The following BPIFB3 variants were observed in gnomAD, a reference collection of about 807,000 sequenced individuals.
The protein encoded by BPIFB3 is BPI fold containing family B member 3.
Under a neutral mutation model 53.1 loss-of-function variants are expected in BPIFB3, and 49 were observed. The ratio of observed to expected loss-of-function variants is 0.92; its 90% CI spans 0.73 to 1.17. The LOEUF (loss-of-function observed/expected upper bound fraction) is 1.17. Among genes scored for constraint, BPIFB3 ranks in the 50% most tolerant of loss-of-function variants. The probability of loss-of-function intolerance (pLI) is 0.00; values close to 1 mark genes in which losing one functional copy is unlikely to be tolerated. For synonymous variants in BPIFB3, 271 were observed against 269.6 expected, an observed-to-expected ratio of 1.01 and a Z score of -0.05; for missense variants, 628 against 592.5, an observed-to-expected ratio of 1.06 and a Z score of -0.62.
chr20:33,071,313 T>G lies in BPIFB3; in HGVS notation c.1260+18T>G, dbSNP rs1172079071. ...CCTTTGACGTAAGTTCCTGGGAGGG[T>G]GAGGGGCTTGGCAGTGATGAGAGTC... On this transcript the variant is annotated intron_variant, in intron 12 of 14. Transcript: ENST00000375494. 6.4e-7 allele frequency: 1 copy of G among 1,555,606 alleles called. No individual in the cohort carries two copies.
At chr20:33,055,440 T>C in exon 1 of BPIFB3, 3 of 1,613,716 alleles carry the variant, frequency 1.9e-6, no homozygotes, top group Non-Finnish European at 1.7e-6. Context: ...CCAGTCATGC[T>C]GGCCCTGTGG....
In BPIFB3 at chr20:33,064,557, C is replaced by A. The variant is rs1175883990; in HGVS notation, c.744+9C>A. ...TAGAACTGGACATCAACGTGAGTAA[C>A]CAGAGGGGCCTCTCCTCCTGCTGGG... On this transcript the variant is annotated intron_variant, in intron 7 of 14. Transcript: ENST00000375494. The A allele has an allele frequency of 6.2e-7, 1 of 1,613,524 alleles. No individual in the cohort carries two copies. The highest frequency in any genetic ancestry group is 8.5e-7 in the Non-Finnish European group (1 of 1,179,500).
At chr20:33,072,397 G>A (rs775919874) in intron 13 of BPIFB3, among the ~76,000 whole-genome samples, 11 of 152,150 alleles carry the variant, frequency 7.2e-5, no homozygotes, top group Non-Finnish European at 1.5e-4. Context: ...CCTCAGTCCT[G>A]CCTTAAGCTC....
exon 14 of BPIFB3, chr20:33,072,739 C>T (rs375331770): frequency 6.2e-7 from 1 of 1,613,544 alleles, no homozygotes; most frequent in Non-Finnish European, 8.5e-7. Context: ...TTGGAATTCC[C>T]CTGCCTAAGG....
chr20:33,070,763 G>A (rs1360492203), intron 11 of BPIFB3, among the ~76,000 whole-genome samples: 1 of 151,822 alleles, frequency 6.6e-6, no homozygotes, highest in East Asian at 1.9e-4. Context: ...TTTGATGGAG[G>A]GCCTCGCCTG....
intron 14 of BPIFB3, 133 bp from the exon 16 acceptor site, chr20:33,073,443 A>G: frequency 1.2e-6 from 1 of 843,114 alleles, no homozygotes; most frequent in Non-Finnish European, 1.9e-6. Context: ...TTCATCATTC[A>G]TTTATTCATT....
intron 2 of BPIFB3, among the ~76,000 whole-genome samples, chr20:33,057,683 G>A (rs1422003046): frequency 6.6e-6 from 1 of 151,970 alleles, no homozygotes; most frequent in African/African-American, 2.4e-5. Context: ...ATGAGTGTTT[G>A]TCCCTCACAC....
chr20:33,061,345 T>A (rs997920264), intron 4 of BPIFB3, among the ~76,000 whole-genome samples: 3 of 150,008 alleles, frequency 2.0e-5, no homozygotes, highest in Non-Finnish European at 4.5e-5. Flanking sequence ...CCATCATTCA[T>A]TCATTCATTC....
At chr20:33,055,309 C>T, upstream of BPIFB3, 2 of 1,485,870 alleles carry the variant, frequency 1.3e-6, no homozygotes, top group Admixed American at 1.8e-5. Flanking sequence ...GAGTGAAGCT[C>T]AATTTGGGCT....
intron 4 of BPIFB3, among the ~76,000 whole-genome samples, chr20:33,061,517 A>T (rs1373047300): frequency 6.6e-6 from 1 of 151,736 alleles, no homozygotes; most frequent in African/African-American, 2.4e-5. Flanking sequence ...CCACATACAC[A>T]CTCCCATGTA....
At position 33,071,246 on chromosome 20, in the gene BPIFB3, C is replaced by A; in HGVS notation, c.1218-7C>A. ...GGGGGCCCCAGCATCTCTCTTCTCT[C>A]CACCAGGCTCAGTGTCAAGGTGGCC... On this transcript the variant is annotated splice_region_variant and splice_polypyrimidine_tract_variant and intron_variant, in intron 11 of 14. Coordinates refer to ENST00000375494, the Ensembl canonical transcript of BPIFB3. 2.6e-6 allele frequency: 4 copies of A among 1,561,722 alleles called. No individual in the cohort carries two copies. In the South Asian group the frequency reaches 3.5e-5, roughly 14 times the overall value.
At chr20:33,055,384 GAGA>G (rs760435672), upstream of BPIFB3, 1 of 1,607,666 alleles carries the variant, frequency 6.2e-7, no homozygotes, top group African/African-American at 1.3e-5. Flanking sequence ...GCTTGAGCAG[GAGA>G]AGGGTCTCAG....
intron 6 of BPIFB3, 74 bp from the exon 8 acceptor site, chr20:33,064,383 T>C (rs1308200725): frequency 3.2e-6 from 4 of 1,235,106 alleles, no homozygotes; most frequent in Admixed American, 1.7e-5. Flanking sequence ...AGACACTCAA[T>C]AAATGGAAAT....
rs1398150326 is a variant in BPIFB3, at chr20:33,055,567, T to C, written c.124+20T>C. On this transcript the variant is annotated intron_variant, in intron 1 of 14. Transcript: ENST00000375494. ...GCAAAGGTGAGCCCCAGGTGGGCAG[T>C]CTGTGAGGGGGCTGCTGCAATGTCA... 2 of 1,613,124 alleles carry C rather than the reference T, an allele frequency of 1.2e-6. No individual in the cohort carries two copies. Among genetic ancestry groups the C allele is most frequent in the Admixed American group, 1.7e-5 (1 of 60,018 alleles).
At chr20:33,064,407 A>G in intron 6 of BPIFB3, 50 bp from the exon 8 acceptor site, 1 of 1,459,616 alleles carries the variant, frequency 6.9e-7, no homozygotes. Flanking sequence ...GGCTATTATG[A>G]TTGGGAACTG....
At chr20:33,067,546 C>A (rs992095075) in intron 9 of BPIFB3, among the ~76,000 whole-genome samples, 4 of 152,182 alleles carry the variant, frequency 2.6e-5, no homozygotes, top group African/African-American at 9.7e-5. Flanking sequence ...GTTGGTGATT[C>A]AAAGCAGTCT....
At chr20:33,068,916 C>T (rs781346838) in exon 10 of BPIFB3, 3 of 1,614,062 alleles carry the variant, frequency 1.9e-6, no homozygotes, top group South Asian at 1.1e-5. Flanking sequence ...CAGCCAACAT[C>T]CATGTGCTGT....
At chr20:33,055,444 C>A in exon 1 of BPIFB3, 2 of 1,613,618 alleles carry the variant, frequency 1.2e-6, no homozygotes, top group Non-Finnish European at 1.7e-6. Context: ...TCATGCTGGC[C>A]CTGTGGTCCC....
chr20:33,072,000 A>G, intron 12 of BPIFB3, 104 bp from the exon 14 acceptor site: 1 of 1,204,720 alleles, frequency 8.3e-7, no homozygotes, highest in Non-Finnish European at 1.2e-6. Flanking sequence ...GGGGAGGCTG[A>G]GGCAGCTGGG....
Sources: gnomAD v4.1 joint callset for allele counts (sites outside exome capture counted in the v4.1 genomes callset) on GRCh38, gnomAD v4.1.1 for gene constraint, MANE v1.5 for transcripts, NCBI Gene and HGNC (gene_info 2026-07-23, HGNC 2026-07-21) for gene names.